RELCH: variants seen among roughly 807,000 people sequenced by gnomAD.
The protein encoded by RELCH is RAB11-binding protein RELCH.
A neutral mutation model predicts 150.3 loss-of-function variants in RELCH; 41 were observed. That is an observed-to-expected ratio of 0.27 (90% confidence interval 0.21 to 0.35). RELCH has a LOEUF of 0.35. RELCH is among the 10% of genes least tolerant of loss of function. The pLI, the probability that RELCH is intolerant of heterozygous loss-of-function variation, is 1.00. For synonymous variants in RELCH, 478 were observed against 531.8 expected (o/e 0.90, Z 1.39); for missense variants, 1,092 against 1,467.8 (o/e 0.74, Z 4.18).
At chr18:62,230,553 A>G (rs143684962) in intron 8 of RELCH, among the ~76,000 whole-genome samples, 1 of 152,108 alleles carries the variant, frequency 6.6e-6, no homozygotes, top group Non-Finnish European at 1.5e-5. Flanking sequence ...AATTTTATGA[A>G]TAATACTACA....
At position 62,228,380 on chromosome 18, in the gene RELCH, G is replaced by A; in HGVS notation, c.1230G>A (p.Gln410=). The change falls in exon 8 of 29, where the codon CAG becomes CAA. Residue 410 remains glutamine, a synonymous_variant. Transcript: ENST00000644646. ...VCDSVQPPLD[Q]LPHKDSEDSG... The stretch of plus-strand genomic sequence containing the variant: ...ACTCTGTTCAGCCTCCTTTGGATCA[G>A]TTGCCCCACAAAGACTCTGAGGACA... 1 of 1,613,256 alleles carries A rather than the reference G, an allele frequency of 6.2e-7. No individual in the cohort carries two copies. Among genetic ancestry groups the A allele is most frequent in the Non-Finnish European group, 8.5e-7 (1 of 1,179,502 alleles).
Position 62,282,454 on chromosome 18 carries a change from A to G in RELCH, c.3253+10A>G, listed in dbSNP as rs752998058. The G allele has an allele frequency of 3.7e-6, 6 of 1,609,754 alleles. No individual in the cohort carries two copies. Among genetic ancestry groups the G allele is most frequent in the Middle Eastern group, 1.6e-4 (1 of 6,066 alleles). The stretch of plus-strand genomic sequence containing the variant: ...AGGTTCCGAGATGAGTGTAAGTTGC[A>G]TTTTTCTACCTTTTTCCTGAATTGT... On this transcript the variant is annotated intron_variant, in intron 25 of 28. Coordinates refer to ENST00000644646, the MANE Select transcript of RELCH (RefSeq NM_001346231.2).
intron 11 of RELCH, among the ~76,000 whole-genome samples, chr18:62,252,162 AT>A (rs138202096): frequency 0.089 from 11,932 of 133,852 alleles, 535 homozygotes; most frequent in Middle Eastern, 0.18. Context: ...CGCCCGGCTA[AT>A]TTTTTTTTTT....
chr18:62,227,205 A>G (rs984992839), intron 5 of RELCH, 84 bp from the exon 6 acceptor site: 2 of 925,188 alleles, frequency 2.2e-6, no homozygotes, highest in East Asian at 5.3e-5. Context: ...TAAAAAAAAA[A>G]AAGATATTAG....
rs1478001205 is a variant in RELCH, at chr18:62,231,208, C to G, written c.1463C>G (p.Ala488Gly). Residue 488 changes from alanine (A) to glycine (G), a missense_variant, in exon 9 of 29, where the codon GCA (alanine) becomes GGA (glycine). Ala to Gly is a moderately conservative substitution (Grantham distance 60). Around this residue, in one of 4 missense-constraint regions of RELCH, gnomAD observed 707 missense variants for 1,025.4 expected, o/e 0.69. Coordinates refer to ENST00000644646, the MANE Select transcript of RELCH (RefSeq NM_001346231.2). Reference protein sequence around the residue: ...FDKPNRKLSPAFHQALLSFCR... With the variant: ...FDKPNRKLSPGFHQALLSFCR... ...TTTTCTTCTAGGAAATTGTCTCCTG[C>G]ATTCCATCAAGCACTACTCTCTTTT... The G allele has an allele frequency of 6.2e-7, 1 of 1,600,544 alleles. No homozygotes were observed. Among genetic ancestry groups the G allele is most frequent in the Non-Finnish European group, 8.5e-7 (1 of 1,169,822 alleles).
chr18:62,241,375 A>G (rs1030468183), intron 10 of RELCH, among the ~76,000 whole-genome samples: 3 of 152,154 alleles, frequency 2.0e-5, no homozygotes, highest in African/African-American at 7.2e-5. Context: ...TAAATAGCCA[A>G]TTGCCTTCAA....
chr18:62,280,804 T>C, intron 24 of RELCH, 95 bp downstream of exon 24: 1 of 814,766 alleles, frequency 1.2e-6, no homozygotes, highest in Non-Finnish European at 2.0e-6. Flanking sequence ...TCTTACCTTT[T>C]ATTTTGTGCC....
At chr18:62,259,786 A>G (rs140969860) in intron 15 of RELCH, among the ~76,000 whole-genome samples, 1 of 152,140 alleles carries the variant, frequency 6.6e-6, no homozygotes, top group Non-Finnish European at 1.5e-5. Flanking sequence ...TAAAACAGAC[A>G]TATTGACCAG....
chr18:62,214,421 C>T (rs12150701), intron 2 of RELCH, among the ~76,000 whole-genome samples: 40,944 of 152,082 alleles, frequency 0.27, 6,005 homozygotes, highest in Middle Eastern at 0.46. Context: ...TTGAATTACA[C>T]GTAAACCTCA....
chr18:62,274,629 C>T (rs895743678), intron 21 of RELCH, among the ~76,000 whole-genome samples: 1 of 152,200 alleles, frequency 6.6e-6, no homozygotes, highest in Non-Finnish European at 1.5e-5. Flanking sequence ...TCTACAACAA[C>T]CATGTGACAT....
rs540062491 is a variant in RELCH, at chr18:62,251,790, A to C, written c.1734-874A>C. Among the ~76,000 whole-genome samples, 4 of 152,318 alleles carry C rather than the reference A, an allele frequency of 2.6e-5. No homozygotes were observed. The South Asian group carries it at 8.3e-4, about 32-fold the overall frequency. ...GTGTCTAGAAAGTGAAGTTGTGTAGAAACTGAAGCATTGGGCATATATAAT... is the reference window on the plus strand; with the variant it reads ...GTGTCTAGAAAGTGAAGTTGTGTAGCAACTGAAGCATTGGGCATATATAAT... On this transcript the variant is annotated intron_variant, in intron 11 of 28. Transcript: ENST00000644646.
At chr18:62,218,700 C>A (rs573604095) in intron 2 of RELCH, among the ~76,000 whole-genome samples, 1 of 151,938 alleles carries the variant, frequency 6.6e-6, no homozygotes, top group East Asian at 1.9e-4. Flanking sequence ...TACATCTTTG[C>A]AGTTATTACT....
chr18:62,304,463 A>T (rs976850550), intron 28 of RELCH, among the ~76,000 whole-genome samples: 1 of 152,228 alleles, frequency 6.6e-6, no homozygotes, highest in Admixed American at 6.5e-5. Flanking sequence ...CATGCAGTAG[A>T]TTCAACAGAC....
chr18:62,278,490 A>G (rs1274447714), intron 22 of RELCH, among the ~76,000 whole-genome samples: 2 of 152,162 alleles, frequency 1.3e-5, no homozygotes, highest in South Asian at 2.1e-4. Context: ...AAAATTAAGA[A>G]TCTTCACATA....
At position 62,275,508 on chromosome 18, in the gene RELCH, T is replaced by C. The variant is rs144971470; in HGVS notation, c.2967+35T>C. 2.8e-4 allele frequency: 378 copies of C among 1,372,218 alleles called. 2 individuals are homozygous for C. In the East Asian group the frequency reaches 8.4e-3, roughly 30 times the overall value. 85.0% of individuals were successfully genotyped at this position (1,372,218 alleles called of 1,614,324 possible). ...CACATGCCTCTGTTGGTTTCAATTA[T>C]AATGATTTTTTTTTTTTTGCGAAGA... On this transcript the variant is annotated intron_variant, in intron 22 of 28. Coordinates refer to ENST00000644646, the MANE Select transcript of RELCH (RefSeq NM_001346231.2).
intron 11 of RELCH, among the ~76,000 whole-genome samples, chr18:62,251,073 T>G (rs981365350): frequency 7.4e-5 from 11 of 149,470 alleles, no homozygotes; most frequent in Middle Eastern, 3.4e-3. Flanking sequence ...GAATTTTATG[T>G]TTTTTTTAGT....
At chr18:62,235,042 A>G (rs905102431) in intron 10 of RELCH, 2 of 151,942 alleles carry the variant, frequency 1.3e-5, no homozygotes, top group Non-Finnish European at 2.9e-5. Context: ...ATATATATCT[A>G]TATGTATATG....
At chr18:62,289,818 A>G (rs1208313042) in intron 26 of RELCH, among the ~76,000 whole-genome samples, 1 of 152,242 alleles carries the variant, frequency 6.6e-6, no homozygotes, top group African/African-American at 2.4e-5. Flanking sequence ...GGGAAAAGGT[A>G]GGCCCCCAAC....
At chr18:62,229,518 G>GTGTGTGTCTGTCTGTCTGTC in intron 8 of RELCH, among the ~76,000 whole-genome samples, 1 of 147,646 alleles carries the variant, frequency 6.8e-6, no homozygotes, top group South Asian at 2.2e-4. Flanking sequence ...GTGTGTGTGT[G>GTGTGTGTCTGTCTGTCTGTC]TGTCTGTCTG....
Sources: gnomAD v4.1 joint callset for allele counts (sites outside exome capture counted in the v4.1 genomes callset) on GRCh38, gnomAD v4.1.1 for gene constraint, gnomAD v4.1.1 regional missense constraint, MANE v1.5 for transcripts, NCBI Gene and HGNC (gene_info 2026-07-23, HGNC 2026-07-21) for gene names.